Variants in PTBP2 observed in about 807,000 individuals in gnomAD.
PTBP2 encodes polypyrimidine tract binding protein 2.
In PTBP2, 13 loss-of-function variants were observed where a neutral mutation model predicts 61.4. The observed-to-expected ratio is 0.21, with a 90% CI of 0.14 to 0.34. PTBP2 has a LOEUF of 0.34. Among genes scored for constraint, PTBP2 ranks in the 10% least tolerant of loss-of-function variants. PTBP2 has a pLI of 1.00. For synonymous variants in PTBP2, 215 were observed against 218.5 expected, an observed-to-expected ratio of 0.98 and a Z score of 0.14; for missense variants, 405 against 642.6, an observed-to-expected ratio of 0.63 and a Z score of 4.00.
At chr1:96,799,010 A>G (rs1306956769) in intron 8 of PTBP2, among the ~76,000 whole-genome samples, 1 of 152,184 alleles carries the variant, frequency 6.6e-6, no homozygotes, top group Non-Finnish European at 1.5e-5. Context: ...AAGAATAGAT[A>G]CATAATTTAT....
intron 7 of PTBP2, among the ~76,000 whole-genome samples, chr1:96,780,790 A>G (rs1658567244): frequency 6.6e-6 from 1 of 152,048 alleles, no homozygotes; most frequent in African/African-American, 2.4e-5. Flanking sequence ...AACCTGGCGG[A>G]CTAATGAATA....
chr1:96,763,811 AT>A (rs536446598), intron 3 of PTBP2, among the ~76,000 whole-genome samples: 17 of 151,996 alleles, frequency 1.1e-4, no homozygotes, highest in South Asian at 4.2e-4. Context: ...AGATTTTTCT[AT>A]TTTTTTTCTG....
chr1:96,777,039 GGACTA>G (rs1465181245), intron 5 of PTBP2, among the ~76,000 whole-genome samples: 2 of 151,914 alleles, frequency 1.3e-5, no homozygotes, highest in Non-Finnish European at 2.9e-5. Context: ...TTGTGGTTTT[GGACTA>G]GACTACACGT....
At chr1:96,760,940 C>T (rs1214021136) in intron 3 of PTBP2, among the ~76,000 whole-genome samples, 2 of 152,110 alleles carry the variant, frequency 1.3e-5, no homozygotes, top group Non-Finnish European at 2.9e-5. Flanking sequence ...GTGGTATAAT[C>T]ATATAGTATA....
chr1:96,798,493 A>G (rs982740670), intron 8 of PTBP2, among the ~76,000 whole-genome samples: 5 of 152,228 alleles, frequency 3.3e-5, no homozygotes, highest in African/African-American at 1.2e-4. Flanking sequence ...TAACTACGAG[A>G]TGTTATGAAC....
rs992418966 is a variant in PTBP2, at chr1:96,721,852, G to C, written c.-13G>C. 2.7e-5 allele frequency: 43 copies of C among 1,568,804 alleles called. No individual in the cohort carries two copies. The highest frequency in any genetic ancestry group is 1.6e-4 in the African/African-American group (12 of 74,066). On this transcript the variant is annotated 5_prime_UTR_variant, in exon 1 of 14. Coordinates refer to ENST00000674951, the MANE Select transcript of PTBP2 (RefSeq NM_021190.4). ...GCTCGGTTCTTGTGAGCGAAGCTTT[G>C]TCCGGTTCGGCAATGGACGGGTATG...
rs1168436672 is a variant in PTBP2 at position 96,814,687 on chromosome 1, C to T, written c.*1282C>T. ...TCATAGATTCTGTTATCTATGTAGACAGAATGGTCATGTATATTTTCTATT... is the reference window on the plus strand; with the variant it reads ...TCATAGATTCTGTTATCTATGTAGATAGAATGGTCATGTATATTTTCTATT... On this transcript the variant is annotated 3_prime_UTR_variant, in exon 14 of 14. Transcript: ENST00000674951. 2 of 152,476 alleles carry T rather than the reference C, an allele frequency of 1.3e-5. No individual in the cohort carries two copies. The highest frequency in any genetic ancestry group is 2.4e-5 in the African/African-American group (1 of 41,402). 9.4% of individuals were successfully genotyped at this position (152,476 alleles called of 1,614,324 possible). A position where few individuals can be genotyped will look rare whatever the true frequency, so the allele number is the denominator to read the frequency against.
At chr1:96,761,079 A>G (rs1655787084) in intron 3 of PTBP2, among the ~76,000 whole-genome samples, 1 of 152,212 alleles carries the variant, frequency 6.6e-6, no homozygotes. Context: ...CCATTTCTTG[A>G]AAGTTTAAGA....
intron 11 of PTBP2, among the ~76,000 whole-genome samples, chr1:96,808,103 A>T (rs7512965): frequency 0.045 from 6,784 of 152,108 alleles, 469 homozygotes; most frequent in African/African-American, 0.15. Flanking sequence ...AGGGATGCAT[A>T]GTCTTTATGG....
At chr1:96,821,828 C>T (rs1662694181) in exon 14 of PTBP2, 1 of 152,082 alleles carries the variant, frequency 6.6e-6, no homozygotes, top group Non-Finnish European at 1.5e-5. Context: ...AGGGTTTTAC[C>T]ATGTGACCAG....
intron 3 of PTBP2, among the ~76,000 whole-genome samples, chr1:96,760,993 G>A (rs1199047254): frequency 1.3e-5 from 2 of 152,088 alleles, no homozygotes; most frequent in African/African-American, 2.4e-5. Context: ...TAGTACATGC[G>A]AAAACATGGG....
At chr1:96,731,496 T>G (rs1431805233) in intron 2 of PTBP2, among the ~76,000 whole-genome samples, 1 of 152,156 alleles carries the variant, frequency 6.6e-6, no homozygotes, top group African/African-American at 2.4e-5. Flanking sequence ...TATATATATT[T>G]GAATTAAGTG....
At chr1:96,759,444 A>C (rs1655538843) in intron 3 of PTBP2, among the ~76,000 whole-genome samples, 1 of 152,216 alleles carries the variant, frequency 6.6e-6, no homozygotes, top group Non-Finnish European at 1.5e-5. Flanking sequence ...TGCCTTGATC[A>C]CTCAGTGAAG....
At chr1:96,822,255 G>T (rs1662705484) in exon 14 of PTBP2, 1 of 152,176 alleles carries the variant, frequency 6.6e-6, no homozygotes, top group Non-Finnish European at 1.5e-5. Flanking sequence ...CTTGAAGGTA[G>T]TTGTATTACC....
At chr1:96,816,878 G>A (rs1253361247), downstream of PTBP2, 2 of 152,148 alleles carry the variant, frequency 1.3e-5, no homozygotes, top group Non-Finnish European at 2.9e-5. Context: ...ACTAATGCCA[G>A]TTCCCAGACT....
At chr1:96,802,728 A>C (rs1004221442) in intron 8 of PTBP2, among the ~76,000 whole-genome samples, 2 of 152,132 alleles carry the variant, frequency 1.3e-5, no homozygotes, top group African/African-American at 4.8e-5. Flanking sequence ...CATCAGTGGG[A>C]TCTCATACAG....
chr1:96,769,405 A>G (rs193007368), intron 3 of PTBP2, among the ~76,000 whole-genome samples: 15 of 152,134 alleles, frequency 9.9e-5, no homozygotes, highest in Non-Finnish European at 1.3e-4. Context: ...TAGTCATTGG[A>G]CAGTTTCTTT....
At chr1:96,724,228 T>A (rs374555625) in intron 2 of PTBP2, among the ~76,000 whole-genome samples, 7 of 150,526 alleles carry the variant, frequency 4.7e-5, no homozygotes, top group African/African-American at 1.2e-4. Context: ...CAACTTTTAA[T>A]GTCATGATGT....
At chr1:96,791,825 G>GTTTTTTTT (rs1659829304) in intron 8 of PTBP2, among the ~76,000 whole-genome samples, 1 of 50,132 alleles carries the variant, frequency 2.0e-5, no homozygotes, top group Non-Finnish European at 3.6e-5. Context: ...TTGGAGTTGT[G>GTTTTTTTT]CTTTTTTTTT....
Sources: gnomAD v4.1 joint callset for allele counts (sites outside exome capture counted in the v4.1 genomes callset) on GRCh38, gnomAD v4.1.1 for gene constraint, MANE v1.5 for transcripts, NCBI Gene and HGNC (gene_info 2026-07-23, HGNC 2026-07-21) for gene names.